The following CFAP210 variants were observed in gnomAD, a reference collection of about 807,000 sequenced individuals.
CFAP210 encodes cilia- and flagella- associated protein 210.
the CFAP210 span, among the ~76,000 whole-genome samples, chr2:169,680,299 A>G: frequency 6.6e-6 from 1 of 152,218 alleles, no homozygotes; most frequent in African/African-American, 2.4e-5. Flanking sequence ...CTCAAAGATT[A>G]TTATTGGGAA....
At chr2:169,665,102 G>A in the CFAP210 span, among the ~76,000 whole-genome samples, 1 of 152,170 alleles carries the variant, frequency 6.6e-6, no homozygotes, top group Non-Finnish European at 1.5e-5. Flanking sequence ...TTCTGAGCAG[G>A]AGGGATTTAA....
the CFAP210 span, among the ~76,000 whole-genome samples, chr2:169,653,050 A>ATATATATATATG: frequency 9.8e-6 from 1 of 102,416 alleles, no homozygotes; most frequent in African/African-American, 3.8e-5. Flanking sequence ...ATATATATAT[A>ATATATATATATG]TATATATATA....
the CFAP210 span, among the ~76,000 whole-genome samples, chr2:169,670,495 A>G: frequency 6.6e-6 from 1 of 152,364 alleles, no homozygotes; most frequent in South Asian, 2.1e-4. Flanking sequence ...AATAGCTTAA[A>G]ACAATGAACA....
At chr2:169,687,441 C>A in the CFAP210 span, among the ~76,000 whole-genome samples, 5 of 152,198 alleles carry the variant, frequency 3.3e-5, no homozygotes, top group Non-Finnish European at 7.3e-5. Flanking sequence ...TGGGTAAATA[C>A]AGCCATTCCA....
the CFAP210 span, chr2:169,681,438 A>C: frequency 1.7e-6 from 1 of 581,256 alleles, no homozygotes; most frequent in Non-Finnish European, 3.0e-6. Flanking sequence ...GTCCTTGCTT[A>C]ATCACTTCCT....
the CFAP210 span, chr2:169,680,864 C>A: frequency 1.5e-6 from 1 of 655,262 alleles, no homozygotes; most frequent in South Asian, 2.0e-5. Flanking sequence ...TCACTTATAC[C>A]TAAATAACAC....
At chr2:169,687,578 G>A in the CFAP210 span, among the ~76,000 whole-genome samples, 2 of 152,192 alleles carry the variant, frequency 1.3e-5, no homozygotes, top group Non-Finnish European at 2.9e-5. Context: ...AGGTCATGCT[G>A]ATGCAAAAGG....
chr2:169,681,362 T>C, the CFAP210 span: 1 of 757,416 alleles, frequency 1.3e-6, no homozygotes. Flanking sequence ...CTTGTTATCC[T>C]AAGAACAGCT....
the CFAP210 span, chr2:169,662,514 A>G: frequency 1.6e-6 from 2 of 1,245,538 alleles, no homozygotes; most frequent in Non-Finnish European, 2.2e-6. Context: ...TTCAATTCCA[A>G]CCTGGAATGA....
the CFAP210 span, among the ~76,000 whole-genome samples, chr2:169,689,208 T>C: frequency 2.6e-5 from 4 of 152,222 alleles, no homozygotes; most frequent in African/African-American, 9.7e-5. Context: ...TTTTGGGAGA[T>C]ACAATTCAAG....
At chr2:169,650,298 C>T in the CFAP210 span, 1 of 1,517,628 alleles carries the variant, frequency 6.6e-7, no homozygotes, top group South Asian at 1.4e-5. Context: ...CTCTGTCTTT[C>T]TATTTTTATT....
At chr2:169,653,098 A>C in the CFAP210 span, among the ~76,000 whole-genome samples, 6,452 of 134,608 alleles carry the variant, frequency 0.048, 238 homozygotes, top group Non-Finnish European at 0.075. Flanking sequence ...ATGTATATAT[A>C]TATAGTGCTA....
the CFAP210 span, among the ~76,000 whole-genome samples, chr2:169,655,467 A>T: frequency 1.3e-5 from 2 of 152,244 alleles, no homozygotes; most frequent in South Asian, 2.1e-4. Flanking sequence ...TAGGAAATAT[A>T]TTGGTCAATA....
the CFAP210 span, among the ~76,000 whole-genome samples, chr2:169,678,341 CA>C: frequency 9.6e-3 from 848 of 88,148 alleles, 2 homozygotes; most frequent in African/African-American, 0.029. Flanking sequence ...AACTCTGTTG[CA>C]AAAAAAAAAA....
chr2:169,654,085 C>T, the CFAP210 span: 2 of 1,609,494 alleles, frequency 1.2e-6, no homozygotes, highest in Non-Finnish European at 1.7e-6. Flanking sequence ...CTGTGTGTTT[C>T]AGCCTCTTTT....
the CFAP210 span, chr2:169,650,365 T>C: frequency 1.9e-6 from 3 of 1,599,330 alleles, no homozygotes; most frequent in Non-Finnish European, 2.6e-6. Context: ...TTTTTAATTC[T>C]GCTTTGTTTT....
At chr2:169,649,939 C>A in the CFAP210 span, among the ~76,000 whole-genome samples, 37 of 150,818 alleles carry the variant, frequency 2.5e-4, no homozygotes, top group African/African-American at 8.7e-4. Context: ...AAAAAAATTG[C>A]TCCAATGTGT....
chr2:169,649,974 T>C, the CFAP210 span, among the ~76,000 whole-genome samples: 1 of 152,144 alleles, frequency 6.6e-6, no homozygotes, highest in African/African-American at 2.4e-5. Context: ...TTAAATGTTA[T>C]GACAGTCATG....
At chr2:169,692,664 A>C in the CFAP210 span, among the ~76,000 whole-genome samples, 5 of 152,210 alleles carry the variant, frequency 3.3e-5, no homozygotes, top group Non-Finnish European at 7.3e-5. Flanking sequence ...CATGCCTCTG[A>C]TAGCTGTGAT....
Sources: allele counts gnomAD v4.1 joint callset (sites outside exome capture counted in the v4.1 genomes callset), GRCh38; gene constraint gnomAD v4.1.1; transcripts MANE v1.5; gene names NCBI Gene and HGNC (gene_info 2026-07-23, HGNC 2026-07-21).